EGLN2: variants seen among roughly 807,000 people sequenced by gnomAD.
The protein encoded by EGLN2 is egl-9 family hypoxia inducible factor 2.
A neutral mutation model predicts 38.2 loss-of-function variants in EGLN2; 15 were observed. The ratio of observed to expected loss-of-function variants is 0.39; its 90% CI spans 0.26 to 0.60. The LOEUF (loss-of-function observed/expected upper bound fraction) is 0.60. EGLN2 is among the 20% of genes least tolerant of loss of function. EGLN2 has a pLI of 0.50. For missense variants in EGLN2, 492 were observed against 570.4 expected (o/e 0.86, Z 1.40); for synonymous variants, 284 against 237.4 (o/e 1.20, Z -1.81).
intron 2 of EGLN2, chr19:40,806,189 T>G (rs1170359426): frequency 4.2e-6 from 1 of 236,420 alleles, no homozygotes; most frequent in East Asian, 9.4e-5. Context: ...TGAGGCCACC[T>G]CCTTGCACAC....
At chr19:40,803,593 G>C (rs1010854054) in intron 2 of EGLN2, among the ~76,000 whole-genome samples, 15 of 152,154 alleles carry the variant, frequency 9.9e-5, no homozygotes, top group Admixed American at 9.8e-4. Context: ...AGTGTGGCTA[G>C]AGCCAGTAGA....
intron 5 of EGLN2, 100 bp from the exon 6 acceptor site, chr19:40,807,709 A>T: frequency 6.9e-7 from 1 of 1,443,526 alleles, no homozygotes; most frequent in Non-Finnish European, 9.6e-7. Context: ...CCCCAACAGG[A>T]GCCCCATTTC....
Position 40,800,649 on chromosome 19 carries a change from A to T in EGLN2, c.77A>T (p.Glu26Val). ...QLPGSSSEPLEPEPGRARMGV... is the reference protein window; with the variant it reads ...QLPGSSSEPLVPEPGRARMGV... ...CCAGGGTCTTCGTCAGAGCCCTTGG[A>T]GCCTGAGCCTGGCCGGGCCAGGATG... Residue 26 changes from glutamate to valine, a missense_variant, in exon 2 of 6, where the codon GAG becomes GTG. Glu to Val is a moderately radical substitution (Grantham distance 121, BLOSUM62 -2). Coordinates refer to ENST00000303961, the MANE Select transcript of EGLN2 (RefSeq NM_080732.4). The T allele has an allele frequency of 6.2e-7, 1 of 1,613,964 alleles. No homozygotes were observed. The highest frequency in any genetic ancestry group is 1.1e-5 in the South Asian group (1 of 91,080).
intron 1 of EGLN2, chr19:40,799,946 C>T (rs1221083031): frequency 7.3e-6 from 1 of 137,836 alleles, no homozygotes; most frequent in Admixed American, 7.6e-5. Flanking sequence ...CCACGTTTCT[C>T]GTTGTCTTTC....
intron 2 of EGLN2, among the ~76,000 whole-genome samples, chr19:40,802,596 C>T (rs1243102027): frequency 2.6e-5 from 4 of 152,236 alleles, no homozygotes; most frequent in Non-Finnish European, 4.4e-5. Context: ...TTGGAGTTTC[C>T]GGGCAGTTGT....
chr19:40,806,401 G>T, intron 2 of EGLN2, 154 bp from the exon 3 acceptor site: 1 of 1,412,804 alleles, frequency 7.1e-7, no homozygotes, highest in Non-Finnish European at 9.4e-7. Flanking sequence ...GGCTGAAAAA[G>T]AAAGTCTTTT....
intron 3 of EGLN2, 136 bp from the exon 4 acceptor site, chr19:40,807,002 A>C (rs1844368450): frequency 2.2e-6 from 3 of 1,358,448 alleles, no homozygotes; most frequent in Admixed American, 4.5e-5. Flanking sequence ...CTGGGTTGTC[A>C]TTCACTTTGA....
At position 40,801,142 on chromosome 19, in the gene EGLN2, C is replaced by T. The variant is rs1248593645; in HGVS notation, c.570C>T (p.Gly190=). The change falls in exon 2 of 6, where the codon GGC becomes GGT. Residue 190 remains glycine, a synonymous_variant. Coordinates refer to ENST00000303961, the MANE Select transcript of EGLN2 (RefSeq NM_080732.4). ...TCGTGCCCTGCATGCGGTACTACGG[C>T]ATCTGCGTCAAGGACAGCTTCCTGG... ...DYIVPCMRYY[G]ICVKDSFLGA... is the part of the protein sequence containing the mutation. 1.2e-6 allele frequency: 2 copies of T among 1,612,904 alleles called. No individual in the cohort carries two copies. The highest frequency in any genetic ancestry group is 1.7e-5 in the Admixed American group (1 of 60,030).
chr19:40,808,402 C>G lies in EGLN2; in HGVS notation c.*538C>G, dbSNP rs1479538395. 2.5e-6 allele frequency: 1 copy of G among 397,518 alleles called. No individual in the cohort carries two copies. Among genetic ancestry groups the G allele is most frequent in the Non-Finnish European group, 4.5e-6 (1 of 224,384 alleles). 24.6% of individuals were successfully genotyped at this position (397,518 alleles called of 1,614,324 possible). The stretch of plus-strand genomic sequence containing the variant: ...AGCATGGGTGTGGAAGTCCTGTCAG[C>G]CAAGAAATAAAAGTTTACCTCAGAG... On this transcript the variant is annotated 3_prime_UTR_variant, in exon 6 of 6. Transcript: ENST00000303961.
chr19:40,806,893 T>C (rs2083306710), intron 3 of EGLN2: 1 of 901,626 alleles, frequency 1.1e-6, no homozygotes, highest in African/African-American at 1.7e-5. Flanking sequence ...TTTCCGGGAA[T>C]GGTGCTGTCT....
At chr19:40,800,012 C>G (rs2083241181) in intron 1 of EGLN2, 1 of 152,474 alleles carries the variant, frequency 6.6e-6, no homozygotes, top group South Asian at 2.0e-4. Flanking sequence ...TCCCACTCCT[C>G]CACACCACCC....
At chr19:40,806,841 ACCT>A in intron 3 of EGLN2, 167 bp downstream of exon 3, 1 of 1,039,602 alleles carries the variant, frequency 9.6e-7, no homozygotes. Flanking sequence ...GGGAAATGGC[ACCT>A]CCTCCTCTCT....
rs372621024 is a variant in EGLN2, at chr19:40,801,269, C to T, written c.697C>T (p.Arg233Cys). The change falls in exon 2 of 6, where the codon CGC (arginine) becomes TGC (cysteine). Residue 233 changes from arginine (R) to cysteine (C), a missense_variant. Coordinates refer to ENST00000303961, the MANE Select transcript of EGLN2 (RefSeq NM_080732.4). ...QLVSQRAIPP[R>C]SIRGDQIAWV... ...AGTGAGCCAGAGGGCGATCCCGCCG[C>T]GCAGCATCCGTGGGGACCAGATTGC... 6.8e-6 allele frequency: 11 copies of T among 1,613,090 alleles called. No homozygotes were observed. Among genetic ancestry groups the T allele is most frequent in the Admixed American group, 1.7e-5 (1 of 60,028 alleles).
intron 2 of EGLN2, among the ~76,000 whole-genome samples, chr19:40,801,758 C>T (rs983582514): frequency 1.8e-4 from 26 of 146,774 alleles, no homozygotes; most frequent in African/African-American, 6.0e-4. Flanking sequence ...GAGGGAAGGT[C>T]AGCAGATAAA....
intron 2 of EGLN2, among the ~76,000 whole-genome samples, chr19:40,802,716 ATGGGTGGTG>A (rs1204730429): frequency 6.6e-6 from 1 of 152,158 alleles, no homozygotes; most frequent in Non-Finnish European, 1.5e-5. Context: ...CATTGTCTTC[ATGGGTGGTG>A]TGGGGGCCTG....
chr19:40,805,318 C>T (rs1052560595), intron 2 of EGLN2: 3 of 152,224 alleles, frequency 2.0e-5, no homozygotes, highest in Admixed American at 6.5e-5. Flanking sequence ...CATCTTGCCA[C>T]TGCAGTGACT....
chr19:40,806,862 T>C, intron 3 of EGLN2, 188 bp downstream of exon 3: 1 of 966,284 alleles, frequency 1.0e-6, no homozygotes, highest in South Asian at 1.6e-5. Flanking sequence ...TCTAGCGGAC[T>C]GTGTGGTGGG....
In EGLN2 at chr19:40,800,333, C is replaced by G; in HGVS notation, c.-234-6C>G. On this transcript the variant is annotated splice_polypyrimidine_tract_variant and splice_region_variant and intron_variant, in intron 1 of 5. Transcript: ENST00000303961. ...TCACATCCCTTTTTTTTTTTCCTTT[C>G]TCTAGCCACCCTGAAGGGTCCCTTC... 2.1e-6 allele frequency: 1 copy of G among 476,176 alleles called. No individual in the cohort carries two copies. Among genetic ancestry groups the G allele is most frequent in the Non-Finnish European group, 3.6e-6 (1 of 274,876 alleles). 29.5% of individuals were successfully genotyped at this position (476,176 alleles called of 1,614,324 possible). A position where few individuals can be genotyped will look rare whatever the true frequency, so the allele number is the denominator to read the frequency against.
In EGLN2 at chr19:40,801,054, C is replaced by T. The variant is rs2083253162; in HGVS notation, c.482C>T (p.Ala161Val). ...AGCTGCAGCAGTGGCAGTGGTGAGG[C>T]CAGTGCTGGGCTGATGGAGGAGGCG... The part of the protein sequence containing the change: ...SCSCSSGSGE[A>V]SAGLMEEALP... The change falls in exon 2 of 6, where the codon GCC becomes GTC. Residue 161 changes from alanine to valine, a missense_variant. Ala to Val is a moderately conservative substitution (Grantham distance 64). This residue lies in a region of EGLN2 where 378 missense variants were observed against 386.2 expected (regional missense o/e 0.98). Transcript: ENST00000303961. 6.2e-7 allele frequency: 1 copy of T among 1,612,904 alleles called. No homozygotes were observed. The highest frequency in any genetic ancestry group is 8.5e-7 in the Non-Finnish European group (1 of 1,179,830).
Sources: allele counts gnomAD v4.1 joint callset (sites outside exome capture counted in the v4.1 genomes callset), GRCh38; gene constraint gnomAD v4.1.1; regional missense constraint gnomAD v4.1.1; transcripts MANE v1.5; gene names NCBI Gene and HGNC (gene_info 2026-07-23, HGNC 2026-07-21).